YLPM1: variants seen among roughly 807,000 people sequenced by gnomAD.
YLPM1 encodes the protein YLP motif-containing protein 1.
A neutral mutation model predicts 230.0 loss-of-function variants in YLPM1; 99 were observed. The ratio of observed to expected loss-of-function variants is 0.43; its 90% confidence interval spans 0.37 to 0.51. The LOEUF (loss-of-function observed/expected upper bound fraction) is 0.51, where lower values mean the gene tolerates loss of function less well. Ranked by LOEUF, YLPM1 falls within the 20% of genes least tolerant of loss-of-function variation. The pLI is 0.00. For missense variants in YLPM1, 2,592 were observed against 2,707.7 expected, an observed-to-expected ratio of 0.96 and a Z score of 0.95; for synonymous variants, 984 against 942.5, an observed-to-expected ratio of 1.04 and a Z score of -0.81.
chr14:74,763,402 C>T lies in YLPM1; in HGVS notation c.-88C>T. On this transcript the variant is annotated 5_prime_UTR_variant, in exon 1 of 21. Coordinates refer to ENST00000325680, the MANE Select transcript of YLPM1 (RefSeq NM_019589.3). The stretch of plus-strand genomic sequence containing the variant: ...CCGGGGCCTGTAGGCGCCGCGAGTT[C>T]CGGCTGTCGCCGTCGCCGCCGCGGC... The T allele has an allele frequency of 7.3e-7, 1 of 1,374,886 alleles. No individual in the cohort carries two copies. 85.2% of individuals were successfully genotyped at this position (1,374,886 alleles called of 1,614,324 possible).
rs192708291 is a variant in YLPM1 at position 74,786,301 on chromosome 14, G to C, written c.2282+3976G>C. Among the ~76,000 whole-genome samples the C allele has an allele frequency of 3.5e-4, 51 of 147,364 alleles. No individual in the cohort carries two copies. In the East Asian group the frequency reaches 9.5e-3, roughly 27 times the overall value. On this transcript the variant is annotated intron_variant, in intron 4 of 20. Coordinates refer to ENST00000325680, the MANE Select transcript of YLPM1 (RefSeq NM_019589.3). ...TGCTTGAACCCGGGAGGCGGAGGTT[G>C]CAGTGAGCCAAGATCGTGCCACTCT...
intron 4 of YLPM1, among the ~76,000 whole-genome samples, chr14:74,791,210 G>A (rs914129434): frequency 1.3e-5 from 2 of 152,228 alleles, no homozygotes; most frequent in East Asian, 3.8e-4. Context: ...CTAGGCTGCA[G>A]TGAGCTAGGA....
intron 17 of YLPM1, chr14:74,822,064 C>T (rs886317632): frequency 6.6e-6 from 1 of 152,070 alleles, no homozygotes; most frequent in African/African-American, 2.4e-5. Flanking sequence ...TGGTGTCAAC[C>T]TCTACATTCC....
chr14:74,804,103 G>A (rs2091354578), intron 6 of YLPM1, among the ~76,000 whole-genome samples: 1 of 152,194 alleles, frequency 6.6e-6, no homozygotes, highest in Non-Finnish European at 1.5e-5. Context: ...GTTGCGGTGA[G>A]CCGACATCGC....
At chr14:74,789,606 CTTTT>C (rs145215430) in intron 4 of YLPM1, among the ~76,000 whole-genome samples, 2 of 125,556 alleles carry the variant, frequency 1.6e-5, no homozygotes, top group East Asian at 2.3e-4. Flanking sequence ...TCTTTCTTTT[CTTTT>C]TTTTTTTTTT....
intron 4 of YLPM1, among the ~76,000 whole-genome samples, chr14:74,790,479 T>C (rs1170115964): frequency 6.6e-6 from 1 of 152,200 alleles, no homozygotes. Flanking sequence ...AAATACCTTC[T>C]TTAAAAGTAT....
At chr14:74,829,389 A>T (rs2091591084) in intron 19 of YLPM1, 46 bp downstream of exon 19, 2 of 1,608,524 alleles carry the variant, frequency 1.2e-6, no homozygotes, top group Non-Finnish European at 1.7e-6. Context: ...GGGCCCATTT[A>T]GGCATCTGGT....
chr14:74,786,234 C>A (rs553646270), intron 4 of YLPM1, among the ~76,000 whole-genome samples: 8 of 151,592 alleles, frequency 5.3e-5, no homozygotes, highest in Non-Finnish European at 1.0e-4. Flanking sequence ...TGGTAACATG[C>A]GCCTGTAGTC....
At chr14:74,801,658 GT>G (rs2091326822) in intron 5 of YLPM1, among the ~76,000 whole-genome samples, 1 of 152,168 alleles carries the variant, frequency 6.6e-6, no homozygotes, top group African/African-American at 2.4e-5. Flanking sequence ...GTATAACTCT[GT>G]AGAGTACGGT....
At chr14:74,835,485 G>A (rs1341959035) in intron 20 of YLPM1, 38 bp downstream of exon 20, 3 of 1,544,922 alleles carry the variant, frequency 1.9e-6, no homozygotes, top group African/African-American at 2.8e-5. Flanking sequence ...CTACTGTGTG[G>A]TTGCTTCAAA....
In YLPM1 at chr14:74,809,959, T is replaced by C; in HGVS notation, c.4989T>C (p.Thr1663=). 6.2e-7 allele frequency: 1 copy of C among 1,609,878 alleles called. No homozygotes were observed. The highest frequency in any genetic ancestry group is 8.5e-7 in the Non-Finnish European group (1 of 1,177,772). ...AGATACCTTATGGAGAAAGAATAAC[T>C]CTACGCCCAGATCCACTACCTGAAA... ...VEQIPYGERI[T]LRPDPLPERS... Residue 1663 remains threonine, a synonymous_variant, in exon 8 of 21, where the codon ACT becomes ACC. Coordinates refer to ENST00000325680, the MANE Select transcript of YLPM1 (RefSeq NM_019589.3).
chr14:74,826,394 A>G (rs1451107101), intron 18 of YLPM1, among the ~76,000 whole-genome samples: 1 of 152,142 alleles, frequency 6.6e-6, no homozygotes, highest in South Asian at 2.1e-4. Flanking sequence ...ACCAAGTACA[A>G]TTTATTTTTC....
At chr14:74,822,486 T>G (rs902872700) in intron 17 of YLPM1, among the ~76,000 whole-genome samples, 2 of 152,190 alleles carry the variant, frequency 1.3e-5, no homozygotes, top group African/African-American at 4.8e-5. Flanking sequence ...GGCCTTAAAA[T>G]TCTACCCTGC....
chr14:74,772,388 C>T (rs1223794941), intron 1 of YLPM1, among the ~76,000 whole-genome samples: 6 of 149,110 alleles, frequency 4.0e-5, no homozygotes, highest in Admixed American at 6.7e-5. Flanking sequence ...GATGGAGTCT[C>T]GCTCTCACCC....
At chr14:74,777,632 A>G (rs1310140846) in intron 1 of YLPM1, among the ~76,000 whole-genome samples, 1 of 151,888 alleles carries the variant, frequency 6.6e-6, no homozygotes, top group Non-Finnish European at 1.5e-5. Flanking sequence ...ATTCTCTTAT[A>G]TGTGTGTACA....
intron 19 of YLPM1, 132 bp downstream of exon 19, chr14:74,829,475 C>A: frequency 1.6e-6 from 2 of 1,262,290 alleles, no homozygotes; most frequent in Non-Finnish European, 2.2e-6. Flanking sequence ...TCATGTATCC[C>A]AAGAAGGAGT....
intron 1 of YLPM1, among the ~76,000 whole-genome samples, chr14:74,771,541 T>C (rs10136733): frequency 1.4e-3 from 207 of 152,218 alleles, no homozygotes; most frequent in African/African-American, 4.6e-3. Flanking sequence ...ATCAAGATAG[T>C]GGATAGTGCG....
intron 1 of YLPM1, among the ~76,000 whole-genome samples, chr14:74,777,269 A>G (rs1205630121): frequency 6.6e-6 from 1 of 152,068 alleles, no homozygotes; most frequent in African/African-American, 2.4e-5. Context: ...AAAGCATTTT[A>G]AAACACAGTA....
chr14:74,784,315 G>T (rs1232698141), intron 4 of YLPM1, among the ~76,000 whole-genome samples: 2 of 152,158 alleles, frequency 1.3e-5, no homozygotes, highest in Admixed American at 1.3e-4. Flanking sequence ...GTGCTGGGAG[G>T]ATATTAGCAA....
Sources: allele counts gnomAD v4.1 joint callset (sites outside exome capture counted in the v4.1 genomes callset), GRCh38; gene constraint gnomAD v4.1.1; transcripts MANE v1.5; gene names NCBI Gene and HGNC (gene_info 2026-07-23, HGNC 2026-07-21).